FYN: variants seen among roughly 807,000 people sequenced by gnomAD.
FYN encodes the protein FYN proto-oncogene, Src family tyrosine kinase, also known as tyrosine-protein kinase Fyn.
In FYN, 10 loss-of-function variants were observed where a neutral mutation model predicts 70.2. The observed-to-expected ratio is 0.14, with a 90% confidence interval of 0.09 to 0.24. The LOEUF (loss-of-function observed/expected upper bound fraction) is 0.24, where lower values mean the gene tolerates loss of function less well. FYN is among the 10% of genes least tolerant of loss of function. The pLI, the probability that FYN is intolerant of heterozygous loss-of-function variation, is 1.00. For synonymous variants in FYN, 236 were observed against 248.6 expected (o/e 0.95, Z 0.48); for missense variants, 319 against 673.1 (o/e 0.47, Z 5.82).
intron 1 of FYN, among the ~76,000 whole-genome samples, chr6:111,866,459 A>T (rs777178908): frequency 6.6e-6 from 1 of 152,238 alleles, no homozygotes; most frequent in African/African-American, 2.4e-5. Context: ...CGCCTGCCTC[A>T]GGCTCCCAAG....
At chr6:111,842,965 G>A (rs1017460244) in intron 2 of FYN, among the ~76,000 whole-genome samples, 6 of 152,180 alleles carry the variant, frequency 3.9e-5, no homozygotes, top group African/African-American at 1.4e-4. Flanking sequence ...AAGGCAGGAG[G>A]TAATTTTTCT....
chr6:111,725,731 A>C (rs1801163050), intron 3 of FYN, among the ~76,000 whole-genome samples: 1 of 152,192 alleles, frequency 6.6e-6, no homozygotes, highest in Admixed American at 6.5e-5. Context: ...TGCCAACTGG[A>C]GGGAGTGAAA....
At chr6:111,790,521 C>G (rs548915116) in intron 2 of FYN, among the ~76,000 whole-genome samples, 4 of 152,254 alleles carry the variant, frequency 2.6e-5, no homozygotes, top group Admixed American at 2.6e-4. Flanking sequence ...CCCACGTGCA[C>G]GTTCTCAATG....
intron 3 of FYN, among the ~76,000 whole-genome samples, chr6:111,741,790 T>C (rs1801986644): frequency 6.6e-6 from 1 of 152,226 alleles, no homozygotes; most frequent in South Asian, 2.1e-4. Context: ...CCTGAAGGAC[T>C]TGTGAAAACA....
intron 2 of FYN, among the ~76,000 whole-genome samples, chr6:111,815,179 G>A (rs1772447238): frequency 6.6e-6 from 1 of 152,178 alleles, no homozygotes; most frequent in Admixed American, 6.5e-5. Context: ...CACCTATTCA[G>A]GCAGTTCATA....
rs183143051 is a variant in FYN, at chr6:111,820,406, T to A, written c.-82+26183A>T. 1.8e-3 allele frequency among the ~76,000 whole-genome samples: 275 copies of A among 152,264 alleles called. 4 individuals carry two copies. The highest frequency in any genetic ancestry group is 0.014 in the Admixed American group (219 of 15,296). ...TATTTCTCCTAACCAAAATAAATGG[T>A]GTGCAGAATTCTCTTTTGAATAGTA... On this transcript the variant is annotated intron_variant, in intron 2 of 13. Transcript: ENST00000354650.
chr6:111,834,637 C>T (rs942237472), intron 2 of FYN, among the ~76,000 whole-genome samples: 1 of 152,220 alleles, frequency 6.6e-6, no homozygotes, highest in Non-Finnish European at 1.5e-5. Flanking sequence ...TGCAAGGGAA[C>T]GTGCAAGGAG....
At chr6:111,713,419 CA>C (rs775773482) in intron 5 of FYN, among the ~76,000 whole-genome samples, 2 of 152,164 alleles carry the variant, frequency 1.3e-5, no homozygotes, top group Non-Finnish European at 2.9e-5. Context: ...GAGAAGCAAC[CA>C]GACTTGGTGG....
chr6:111,676,786 T>G (rs767256446), intron 12 of FYN, among the ~76,000 whole-genome samples: 3 of 151,956 alleles, frequency 2.0e-5, no homozygotes, highest in Non-Finnish European at 4.4e-5. Context: ...ACCAAAGGAG[T>G]TGTTTTTCCC....
intron 3 of FYN, among the ~76,000 whole-genome samples, chr6:111,771,282 C>T (rs1327956098): frequency 2.0e-5 from 3 of 152,096 alleles, no homozygotes; most frequent in Non-Finnish European, 4.4e-5. Flanking sequence ...AAGATGGGAA[C>T]AACAGATGTC....
chr6:111,675,313 G>A (rs992795475), intron 12 of FYN, among the ~76,000 whole-genome samples: 5 of 152,122 alleles, frequency 3.3e-5, no homozygotes, highest in African/African-American at 1.2e-4. Flanking sequence ...TTAAAGAGCA[G>A]TTCTGCCTCC....
chr6:111,720,124 A>G, intron 3 of FYN, 62 bp from the exon 4 acceptor site: 2 of 1,520,424 alleles, frequency 1.3e-6, no homozygotes, highest in Non-Finnish European at 1.8e-6. Context: ...GGGTTGCTCT[A>G]CAGTAAACGA....
At chr6:111,788,974 G>T (rs1771504783) in intron 2 of FYN, among the ~76,000 whole-genome samples, 1 of 152,204 alleles carries the variant, frequency 6.6e-6, no homozygotes, top group East Asian at 1.9e-4. Flanking sequence ...TCCAACAGGA[G>T]GGCAGACTCA....
At chr6:111,759,473 C>T (rs1028271422) in intron 3 of FYN, among the ~76,000 whole-genome samples, 2 of 152,210 alleles carry the variant, frequency 1.3e-5, no homozygotes, top group African/African-American at 2.4e-5. Context: ...CTCCAGCCCT[C>T]GTGCAGTGGT....
At chr6:111,829,970 T>C (rs773546927) in intron 2 of FYN, among the ~76,000 whole-genome samples, 4 of 152,218 alleles carry the variant, frequency 2.6e-5, no homozygotes, top group Admixed American at 6.5e-5. Flanking sequence ...CACATGGGGA[T>C]GTCAGGGACT....
chr6:111,840,946 G>A (rs142195739), intron 2 of FYN, among the ~76,000 whole-genome samples: 267 of 152,270 alleles, frequency 1.8e-3, no homozygotes, highest in Middle Eastern at 3.4e-3. Context: ...AGAAAGCCTC[G>A]GTGTAAAAAC....
intron 12 of FYN, among the ~76,000 whole-genome samples, chr6:111,683,283 T>A (rs201239566): frequency 6.6e-6 from 1 of 152,192 alleles, no homozygotes; most frequent in Non-Finnish European, 1.5e-5. Flanking sequence ...GGCAGCCGCA[T>A]TGGAATGATG....
chr6:111,712,113 G>C (rs1251864458), intron 5 of FYN, among the ~76,000 whole-genome samples: 1 of 152,158 alleles, frequency 6.6e-6, no homozygotes, highest in Non-Finnish European at 1.5e-5. Context: ...ATCGTTTCCA[G>C]ATTAACAAAG....
chr6:111,839,648 G>C (rs1371255414), intron 2 of FYN, among the ~76,000 whole-genome samples: 3 of 152,166 alleles, frequency 2.0e-5, no homozygotes, highest in Non-Finnish European at 4.4e-5. Context: ...GTATCCAGGA[G>C]GAAGTGACCA....
Sources: gnomAD v4.1 joint callset for allele counts (sites outside exome capture counted in the v4.1 genomes callset) on GRCh38, gnomAD v4.1.1 for gene constraint, MANE v1.5 for transcripts, NCBI Gene and HGNC (gene_info 2026-07-23, HGNC 2026-07-21) for gene names.